The following PDE8A variants were observed in gnomAD, a reference collection of about 807,000 sequenced individuals.
PDE8A encodes the protein high affinity cAMP-specific and IBMX-insensitive 3',5'-cyclic phosphodiesterase 8A.
In PDE8A, 59 loss-of-function variants were observed where a neutral mutation model predicts 105.0. That is an observed-to-expected ratio of 0.56 (90% CI 0.46 to 0.70). PDE8A has a LOEUF of 0.70. Ranked by LOEUF, PDE8A falls within the 30% of genes least tolerant of loss-of-function variation. The pLI, the probability that PDE8A is intolerant of heterozygous loss-of-function variation, is 0.00. For missense variants in PDE8A, 1,014 were observed against 1,045.9 expected (o/e 0.97, Z 0.42); for synonymous variants, 355 against 371.9 (o/e 0.95, Z 0.52).
At chr15:85,134,133 G>A (rs2082368693) in intron 20 of PDE8A, among the ~76,000 whole-genome samples, 1 of 152,176 alleles carries the variant, frequency 6.6e-6, no homozygotes. Context: ...TGTCACATTG[G>A]GCCAAAGAGA....
At chr15:85,117,994 T>C (rs2082123182) in intron 17 of PDE8A, among the ~76,000 whole-genome samples, 155 bp downstream of exon 17, 1 of 152,218 alleles carries the variant, frequency 6.6e-6, no homozygotes, top group African/African-American at 2.4e-5. Context: ...GGAGGCCACA[T>C]TAGCTTTGGG....
chr15:85,019,765 A>G (rs2080389994), intron 1 of PDE8A, among the ~76,000 whole-genome samples: 1 of 151,920 alleles, frequency 6.6e-6, no homozygotes, highest in Non-Finnish European at 1.5e-5. Flanking sequence ...TTTTTAGTAG[A>G]GACGAGGTTT....
intron 3 of PDE8A, among the ~76,000 whole-genome samples, chr15:85,068,515 A>G (rs1285098046): frequency 6.6e-6 from 1 of 152,076 alleles, no homozygotes; most frequent in Non-Finnish European, 1.5e-5. Flanking sequence ...TTCTCTGGGG[A>G]TGTTTTAGCT....
chr15:85,100,131 A>C, intron 10 of PDE8A, 25 bp from the exon 11 acceptor site: 1 of 1,613,446 alleles, frequency 6.2e-7, no homozygotes, highest in Non-Finnish European at 8.5e-7. Flanking sequence ...AATCAGAACT[A>C]ATGGCTTTTA....
intron 1 of PDE8A, among the ~76,000 whole-genome samples, chr15:85,014,740 G>T (rs1249750512): frequency 6.6e-6 from 1 of 152,060 alleles, no homozygotes; most frequent in Non-Finnish European, 1.5e-5. Context: ...TCACTCCATA[G>T]TTGTCTATGG....
intron 1 of PDE8A, among the ~76,000 whole-genome samples, chr15:85,012,175 T>G (rs1428224980): frequency 6.6e-6 from 1 of 152,216 alleles, no homozygotes; most frequent in Non-Finnish European, 1.5e-5. Flanking sequence ...AAATACCATT[T>G]GACCCAGCCA....
intron 1 of PDE8A, among the ~76,000 whole-genome samples, chr15:85,015,214 C>G (rs773052142): frequency 2.0e-5 from 3 of 151,196 alleles, no homozygotes; most frequent in Admixed American, 6.6e-5. Context: ...AGTTGTTTCC[C>G]TACATTATTA....
chr15:85,009,344 G>A (rs2080203861), intron 1 of PDE8A, among the ~76,000 whole-genome samples: 1 of 152,058 alleles, frequency 6.6e-6, no homozygotes, highest in African/African-American at 2.4e-5. Flanking sequence ...TTGGACTGTA[G>A]GTAATACAGA....
intron 18 of PDE8A, among the ~76,000 whole-genome samples, chr15:85,121,232 G>GT (rs966398475): frequency 4.0e-5 from 6 of 151,768 alleles, no homozygotes; most frequent in African/African-American, 1.2e-4. Flanking sequence ...CCTGGGCAAC[G>GT]TAGGGAGACC....
chr15:84,997,828 C>T (rs1018873059), intron 1 of PDE8A, among the ~76,000 whole-genome samples: 4 of 152,126 alleles, frequency 2.6e-5, no homozygotes, highest in Non-Finnish European at 4.4e-5. Context: ...CTCCCAACCT[C>T]AGGTGATCTG....
chr15:85,113,840 A>T (rs778924457), intron 13 of PDE8A, 33 bp from the exon 14 acceptor site: 13 of 1,562,272 alleles, frequency 8.3e-6, no homozygotes, highest in African/African-American at 1.4e-5. Context: ...TTTTAAGGTT[A>T]TGAAACTCAA....
At chr15:85,079,206 A>G (rs2081427408) in intron 5 of PDE8A, among the ~76,000 whole-genome samples, 1 of 152,230 alleles carries the variant, frequency 6.6e-6, no homozygotes. Flanking sequence ...AAGAAGGGAC[A>G]TACTCAAAGA....
intron 16 of PDE8A, 200 bp downstream of exon 16, chr15:85,116,319 A>C (rs1054398569): frequency 1.8e-6 from 1 of 551,282 alleles, no homozygotes. Context: ...TGGCACATTC[A>C]TGGAAAGCAT....
intron 1 of PDE8A, among the ~76,000 whole-genome samples, chr15:85,041,745 C>T (rs2080811613): frequency 6.6e-6 from 1 of 152,198 alleles, no homozygotes; most frequent in South Asian, 2.1e-4. Context: ...CCTAAACCTT[C>T]AGCCTGGGCT....
chr15:85,003,795 A>G (rs995144792), intron 1 of PDE8A, among the ~76,000 whole-genome samples: 5 of 152,154 alleles, frequency 3.3e-5, no homozygotes, highest in Admixed American at 2.6e-4. Context: ...ATTACCCTGC[A>G]TTGCTCATCA....
At chr15:85,034,105 A>G (rs58711651) in intron 1 of PDE8A, among the ~76,000 whole-genome samples, 15,216 of 152,198 alleles carry the variant, frequency 0.1, 1,373 homozygotes, top group African/African-American at 0.25. Flanking sequence ...AGGCCAAAAG[A>G]TCAAGTCACT....
chr15:85,104,796 T>C (rs1349034357), intron 11 of PDE8A, among the ~76,000 whole-genome samples: 1 of 152,138 alleles, frequency 6.6e-6, no homozygotes, highest in African/African-American at 2.4e-5. Flanking sequence ...CCAACTATTC[T>C]GAAGAGAGAA....
intron 1 of PDE8A, among the ~76,000 whole-genome samples, chr15:85,050,514 A>G (rs182370294): frequency 1.6e-3 from 245 of 152,310 alleles, no homozygotes; most frequent in African/African-American, 5.7e-3. Context: ...TAAGGGTCCA[A>G]CTTCATTCTT....
chr15:85,029,425 T>TC (rs1414647862), intron 1 of PDE8A, among the ~76,000 whole-genome samples: 1 of 151,716 alleles, frequency 6.6e-6, no homozygotes, highest in Non-Finnish European at 1.5e-5. Flanking sequence ...TCTTTTTTTT[T>TC]TTTTTAATGA....
Sources: gnomAD v4.1 joint callset for allele counts (sites outside exome capture counted in the v4.1 genomes callset) on GRCh38, gnomAD v4.1.1 for gene constraint, MANE v1.5 for transcripts, NCBI Gene and HGNC (gene_info 2026-07-23, HGNC 2026-07-21) for gene names.